RAB6B: variants seen among roughly 807,000 people sequenced by gnomAD.
RAB6B encodes the protein RAB6B, member RAS oncogene family.
RAB6B carries 7 observed loss-of-function variants against 31.2 expected under a neutral mutation model. The ratio of observed to expected loss-of-function variants is 0.22; its 90% CI spans 0.13 to 0.42. RAB6B has a LOEUF of 0.42. Among genes scored for constraint, RAB6B ranks in the 10% least tolerant of loss-of-function variants. The pLI, the probability that RAB6B is intolerant of heterozygous loss-of-function variation, is 1.00. For synonymous variants in RAB6B, 105 were observed against 104.9 expected, an observed-to-expected ratio of 1.00 and a Z score of -0.01; for missense variants, 149 against 280.6, an observed-to-expected ratio of 0.53 and a Z score of 3.35.
At chr3:133,852,403 G>A (rs926186626) in intron 2 of RAB6B, among the ~76,000 whole-genome samples, 1 of 152,174 alleles carries the variant, frequency 6.6e-6, no homozygotes, top group East Asian at 1.9e-4. Flanking sequence ...GTCACTAGAT[G>A]CCCTACCTGC....
rs750071125 is a variant in RAB6B, at chr3:133,828,737, A to G, written c.*51T>C. ...CCCCTTAGGAAGCTAGCCAATAGGAAGCAACACAACAAGCAAGGAGTGTCA... is the reference window on the plus strand; with the variant it reads ...CCCCTTAGGAAGCTAGCCAATAGGAGGCAACACAACAAGCAAGGAGTGTCA... On this transcript the variant is annotated 3_prime_UTR_variant, in exon 8 of 8. Coordinates refer to ENST00000285208, the MANE Select transcript of RAB6B (RefSeq NM_016577.4). 7 of 1,535,212 alleles carry G rather than the reference A, an allele frequency of 4.6e-6. No homozygotes were observed. The East Asian group carries it at 1.6e-4, about 35-fold the overall frequency.
At chr3:133,831,872 C>G (rs1319230611) in intron 7 of RAB6B, among the ~76,000 whole-genome samples, 4 of 152,196 alleles carry the variant, frequency 2.6e-5, no homozygotes, top group South Asian at 2.1e-4. Flanking sequence ...AAACTTACCC[C>G]CTACTGCTGG....
chr3:133,869,824 G>A (rs551088173), intron 1 of RAB6B, among the ~76,000 whole-genome samples: 43 of 152,340 alleles, frequency 2.8e-4, no homozygotes, highest in African/African-American at 9.9e-4. Context: ...CAGCAGACCT[G>A]TGAGTGAGCG....
intron 1 of RAB6B, among the ~76,000 whole-genome samples, chr3:133,871,348 C>T (rs1407960129): frequency 1.3e-5 from 2 of 152,226 alleles, no homozygotes; most frequent in Non-Finnish European, 1.5e-5. Flanking sequence ...GAAAAAGGCA[C>T]CATTTGGGCT....
At chr3:133,837,984 T>G (rs1042894875) in intron 6 of RAB6B, among the ~76,000 whole-genome samples, 182 bp downstream of exon 6, 1 of 152,178 alleles carries the variant, frequency 6.6e-6, no homozygotes, top group Non-Finnish European at 1.5e-5. Context: ...CCTCCCTCTT[T>G]TGGGCTTTAC....
intron 2 of RAB6B, among the ~76,000 whole-genome samples, chr3:133,849,024 T>C (rs1380429273): frequency 1.3e-5 from 2 of 152,210 alleles, no homozygotes; most frequent in Non-Finnish European, 2.9e-5. Context: ...CTTTATATTT[T>C]AGAAATAATA....
At position 133,837,279 on chromosome 3, in the gene RAB6B, G is replaced by A. The variant is rs570238860; in HGVS notation, c.495+887C>T. ...GAAATCAATTACATAGGATGATAAA[G>A]GGGACTACTGAGTACTGAAATAAAA... On this transcript the variant is annotated intron_variant, in intron 6 of 7. Transcript: ENST00000285208. 2.4e-4 allele frequency among the ~76,000 whole-genome samples: 36 copies of A among 152,294 alleles called. No individual in the cohort carries two copies. The East Asian group carries it at 4.2e-3, about 18-fold the overall frequency.
At chr3:133,865,339 G>C (rs116727919) in intron 1 of RAB6B, among the ~76,000 whole-genome samples, 2,850 of 152,322 alleles carry the variant, frequency 0.019, 45 homozygotes, top group Middle Eastern at 0.031. Flanking sequence ...AGAACAACTG[G>C]AACAGCTGAG....
chr3:133,837,553 C>A (rs959487652), intron 6 of RAB6B, among the ~76,000 whole-genome samples: 1 of 152,170 alleles, frequency 6.6e-6, no homozygotes, highest in Non-Finnish European at 1.5e-5. Context: ...GTGCTACGGA[C>A]GGGTCAGTGG....
At chr3:133,879,044 G>T (rs1372237370) in intron 1 of RAB6B, among the ~76,000 whole-genome samples, 1 of 152,130 alleles carries the variant, frequency 6.6e-6, no homozygotes, top group African/African-American at 2.4e-5. Flanking sequence ...CATTTCTTGT[G>T]TGATCTTGGG....
chr3:133,842,013 T>C (rs1342713432), intron 2 of RAB6B, among the ~76,000 whole-genome samples: 1 of 152,230 alleles, frequency 6.6e-6, no homozygotes, highest in African/African-American at 2.4e-5. Context: ...ACTCCCTGCC[T>C]TGTTCCCTTC....
At chr3:133,851,283 T>C (rs960525392) in intron 2 of RAB6B, among the ~76,000 whole-genome samples, 3 of 152,210 alleles carry the variant, frequency 2.0e-5, no homozygotes, top group African/African-American at 7.2e-5. Flanking sequence ...TTGTTTTAGA[T>C]AAAAGTGATG....
At chr3:133,891,953 G>C (rs1269974385) in intron 1 of RAB6B, among the ~76,000 whole-genome samples, 2 of 152,196 alleles carry the variant, frequency 1.3e-5, no homozygotes, top group Non-Finnish European at 2.9e-5. Context: ...TGGGGAAGGG[G>C]AGGTCAGAAG....
At chr3:133,894,275 C>T (rs1936676548) in intron 1 of RAB6B, 3 of 152,396 alleles carry the variant, frequency 2.0e-5, no homozygotes, top group Non-Finnish European at 4.4e-5. Context: ...CTCAGTTTGT[C>T]TCCCTGCAGC....
intron 2 of RAB6B, among the ~76,000 whole-genome samples, chr3:133,842,396 G>A (rs1935848965): frequency 6.6e-6 from 1 of 152,232 alleles, no homozygotes; most frequent in Admixed American, 6.5e-5. Context: ...ACCTCTCTGG[G>A]CCTCACAGGC....
intron 2 of RAB6B, among the ~76,000 whole-genome samples, chr3:133,853,651 G>A (rs1936032978): frequency 6.6e-6 from 1 of 152,078 alleles, no homozygotes; most frequent in East Asian, 1.9e-4. Flanking sequence ...ACCTCTGTCA[G>A]TGTTGGCAAG....
At chr3:133,890,021 T>G (rs1576412415) in intron 1 of RAB6B, among the ~76,000 whole-genome samples, 3 of 152,336 alleles carry the variant, frequency 2.0e-5, no homozygotes, top group Admixed American at 2.0e-4. Flanking sequence ...AAGCAAAGGT[T>G]CTGGGCCTGT....
chr3:133,864,140 G>A (rs374977562), intron 2 of RAB6B, among the ~76,000 whole-genome samples: 3 of 146,460 alleles, frequency 2.0e-5, no homozygotes, highest in East Asian at 4.5e-4. Flanking sequence ...GTGTGCGCGC[G>A]TGTGTGTGTT....
At chr3:133,889,473 T>G (rs1936607363) in intron 1 of RAB6B, among the ~76,000 whole-genome samples, 2 of 142,628 alleles carry the variant, frequency 1.4e-5, no homozygotes, top group South Asian at 2.3e-4. Context: ...TTTGCTCTGT[T>G]GCCCAGGGTG....
Sources: gnomAD v4.1 joint callset for allele counts (sites outside exome capture counted in the v4.1 genomes callset) on GRCh38, gnomAD v4.1.1 for gene constraint, MANE v1.5 for transcripts, NCBI Gene and HGNC (gene_info 2026-07-23, HGNC 2026-07-21) for gene names.